Variants in SPATA1 observed in about 807,000 individuals in gnomAD.
SPATA1 encodes the protein spermatogenesis associated 1, also known as spermatogenesis-associated protein 1.
SPATA1 carries 57 observed loss-of-function variants against 59.6 expected under a neutral mutation model. That is an observed-to-expected ratio of 0.96 (90% confidence interval 0.77 to 1.19). The LOEUF (loss-of-function observed/expected upper bound fraction) is 1.19. Ranked by LOEUF, SPATA1 falls within the 50% of genes most tolerant of loss-of-function variation. SPATA1 has a pLI of 0.00. For missense variants in SPATA1, 448 were observed against 480.7 expected (o/e 0.93, Z 0.64); for synonymous variants, 147 against 163.9 (o/e 0.90, Z 0.79).
intron 7 of SPATA1, 137 bp from the exon 8 acceptor site, chr1:84,533,572 G>C: frequency 1.5e-6 from 1 of 669,880 alleles, no homozygotes; most frequent in Non-Finnish European, 2.6e-6. Flanking sequence ...AAGAACATAT[G>C]ATAATGGTCT....
intron 1 of SPATA1, among the ~76,000 whole-genome samples, chr1:84,509,453 C>T (rs1682440625): frequency 6.6e-6 from 1 of 152,230 alleles, no homozygotes. Context: ...AGACCTCAAA[C>T]TATGAAACGT....
chr1:84,536,517 C>G (rs1683688805), intron 8 of SPATA1, among the ~76,000 whole-genome samples: 1 of 152,244 alleles, frequency 6.6e-6, no homozygotes, highest in South Asian at 2.1e-4. Context: ...TATGTCCGCT[C>G]ACTGCAAGCT....
rs371300507 is a variant in SPATA1, at chr1:84,525,826, A to C, written c.316-19A>C. Reference sequence around the variant, plus strand: ...CTTTTAATTGCAAACTAACTTTTAAAATTTCCTATATGTTTTAGGCTCTTC... The same window carrying C: ...CTTTTAATTGCAAACTAACTTTTAACATTTCCTATATGTTTTAGGCTCTTC... On this transcript the variant is annotated intron_variant, in intron 5 of 12. Transcript: ENST00000490879. The C allele has an allele frequency of 8.1e-6, 13 of 1,604,288 alleles. No individual in the cohort carries two copies. The highest frequency in any genetic ancestry group is 1.1e-5 in the Non-Finnish European group (13 of 1,177,666).
intron 1 of SPATA1, 98 bp downstream of exon 1, chr1:84,506,516 C>G (rs1196318338): frequency 6.5e-6 from 1 of 155,018 alleles, no homozygotes; most frequent in Non-Finnish European, 1.4e-5. Flanking sequence ...CTAAAAGGCC[C>G]GGCGGCGGGT....
chr1:84,534,876 G>A (rs1207134949), intron 8 of SPATA1, among the ~76,000 whole-genome samples: 3 of 151,996 alleles, frequency 2.0e-5, no homozygotes, highest in African/African-American at 7.2e-5. Context: ...CTTTAATTGT[G>A]CCAACAAATA....
At chr1:84,543,482 A>T (rs1683979412) in intron 8 of SPATA1, among the ~76,000 whole-genome samples, 1 of 152,078 alleles carries the variant, frequency 6.6e-6, no homozygotes, top group African/African-American at 2.4e-5. Flanking sequence ...ATCACGGTGG[A>T]AGGCAAAGGG....
intron 1 of SPATA1, among the ~76,000 whole-genome samples, chr1:84,509,311 C>G (rs181083054): frequency 3.3e-5 from 5 of 151,952 alleles, no homozygotes; most frequent in Non-Finnish European, 7.4e-5. Flanking sequence ...CAAGAACATA[C>G]ATTGGAGAAA....
chr1:84,557,533 CAAAAAAAAAAAAAAAA>C (rs56101174), downstream of SPATA1, among the ~76,000 whole-genome samples: 2 of 55,438 alleles, frequency 3.6e-5, no homozygotes, highest in Non-Finnish European at 7.1e-5. Context: ...AACTCCATCT[CAAAAAAAAAAAAAAAA>C]AAAAGAAAAA....
In SPATA1 at chr1:84,545,774, A is replaced by G. The variant is rs749518009; in HGVS notation, c.946+15A>G. ...ACGATATCATGGTAAAGTTTATTACATACCTTTTATCACTATAAAGAAAAC... is the reference window on the plus strand; with the variant it reads ...ACGATATCATGGTAAAGTTTATTACGTACCTTTTATCACTATAAAGAAAAC... On this transcript the variant is annotated intron_variant, in intron 10 of 12. Coordinates refer to ENST00000490879, the Ensembl canonical transcript of SPATA1. The G allele has an allele frequency of 5.4e-6, 8 of 1,470,644 alleles. No homozygotes were observed. In the South Asian group the frequency reaches 1.2e-4, roughly 22 times the overall value. 91.1% of individuals were successfully genotyped at this position (1,470,644 alleles called of 1,614,324 possible). A position where few individuals can be genotyped will look rare whatever the true frequency, so the allele number is the denominator to read the frequency against.
intron 1 of SPATA1, among the ~76,000 whole-genome samples, chr1:84,508,978 A>G (rs1053249052): frequency 2.0e-5 from 3 of 152,200 alleles, no homozygotes; most frequent in African/African-American, 7.2e-5. Context: ...TATAGTTAAA[A>G]TGTCTCTAAT....
chr1:84,533,499 A>G (rs1683553117), intron 7 of SPATA1, among the ~76,000 whole-genome samples: 1 of 152,142 alleles, frequency 6.6e-6, no homozygotes, highest in African/African-American at 2.4e-5. Context: ...GCTATAATAT[A>G]ATAAAATATG....
intron 1 of SPATA1, among the ~76,000 whole-genome samples, chr1:84,515,141 G>A (rs951061992): frequency 6.6e-6 from 1 of 152,056 alleles, no homozygotes; most frequent in African/African-American, 2.4e-5. Context: ...GACCATATAT[G>A]TATCTGAGTC....
At chr1:84,506,685 A>G (rs1274275643) in intron 1 of SPATA1, 3 of 152,722 alleles carry the variant, frequency 2.0e-5, no homozygotes, top group Non-Finnish European at 4.4e-5. Context: ...GAGTTTGGCC[A>G]ACAGGCATTT....
chr1:84,514,602 T>C (rs1457459242), intron 1 of SPATA1, among the ~76,000 whole-genome samples: 2 of 152,060 alleles, frequency 1.3e-5, no homozygotes, highest in African/African-American at 2.4e-5. Context: ...TATAGTGGGG[T>C]CCTGTATAGG....
chr1:84,563,706 A>C (rs1306699899), intron 4 of SPATA1: 3 of 1,351,420 alleles, frequency 2.2e-6, no homozygotes, highest in African/African-American at 1.5e-5. Flanking sequence ...ATAGATAATA[A>C]AAATTATGTA....
At chr1:84,516,445 GT>G (rs1682796995) in intron 2 of SPATA1, 50 bp downstream of exon 2, 3 of 1,172,024 alleles carry the variant, frequency 2.6e-6, no homozygotes, top group Non-Finnish European at 3.5e-6. Flanking sequence ...GCTTATCACT[GT>G]TTTTGAAAAG....
At chr1:84,541,564 C>A (rs1683904380) in intron 8 of SPATA1, among the ~76,000 whole-genome samples, 1 of 152,064 alleles carries the variant, frequency 6.6e-6, no homozygotes, top group African/African-American at 2.4e-5. Flanking sequence ...GGCCAATTTT[C>A]ATTTCACACC....
At chr1:84,530,423 A>G (rs1419478423) in intron 6 of SPATA1, among the ~76,000 whole-genome samples, 1 of 152,158 alleles carries the variant, frequency 6.6e-6, no homozygotes, top group African/African-American at 2.4e-5. Flanking sequence ...AGTACTATGA[A>G]CTGGTACTTC....
intron 4 of SPATA1, among the ~76,000 whole-genome samples, chr1:84,560,027 T>A (rs2102021062): frequency 7.3e-6 from 1 of 137,162 alleles, no homozygotes; most frequent in South Asian, 2.2e-4. Context: ...GAGGGTGCAG[T>A]GAACCCAGAG....
Sources: allele counts gnomAD v4.1 joint callset (sites outside exome capture counted in the v4.1 genomes callset), GRCh38; gene constraint gnomAD v4.1.1; transcripts MANE v1.5; gene names NCBI Gene and HGNC (gene_info 2026-07-23, HGNC 2026-07-21).